COL25A1: variants seen among roughly 807,000 people sequenced by gnomAD.
The protein encoded by COL25A1 is collagen alpha-1(XXV) chain.
A neutral mutation model predicts 128.4 loss-of-function variants in COL25A1; 103 were observed. The observed-to-expected ratio is 0.80, with a 90% confidence interval of 0.68 to 0.94. The LOEUF is 0.94. Among genes scored for constraint, COL25A1 ranks in the 40% least tolerant of loss-of-function variants. The probability of loss-of-function intolerance (pLI) is 0.00; values close to 1 mark genes in which losing one functional copy is unlikely to be tolerated. For missense variants in COL25A1, 745 were observed against 840.0 expected, an observed-to-expected ratio of 0.89 and a Z score of 1.40; for synonymous variants, 279 against 277.2, an observed-to-expected ratio of 1.01 and a Z score of -0.06.
intron 3 of COL25A1, among the ~76,000 whole-genome samples, chr4:109,297,594 A>T (rs765593291): frequency 1.1e-4 from 16 of 152,106 alleles, no homozygotes; most frequent in Non-Finnish European, 2.4e-4. Flanking sequence ...TGAATAATCT[A>T]CAGATACATT....
intron 3 of COL25A1, among the ~76,000 whole-genome samples, chr4:109,104,431 T>C (rs1435954216): frequency 6.6e-6 from 1 of 151,794 alleles, no homozygotes; most frequent in African/African-American, 2.4e-5. Context: ...TTTTGCAATC[T>C]GTAATGAATT....
At position 108,881,064 on chromosome 4, in the gene COL25A1, C is replaced by T. The variant is rs981461063; in HGVS notation, c.1020+3114G>A. Among the ~76,000 whole-genome samples, 24 of 152,064 alleles carry T rather than the reference C, an allele frequency of 1.6e-4. 1 individual carries two copies. The highest frequency in any genetic ancestry group is 1.4e-3 in the Admixed American group (21 of 15,274). ...TTGAACATCGTGACACTATATGAAC[C>T]ATGAATGCACGAAATAGGAATTCCA... On this transcript the variant is annotated intron_variant, in intron 19 of 37. Transcript: ENST00000399132.
intron 31 of COL25A1, among the ~76,000 whole-genome samples, chr4:108,840,078 C>T (rs1294682683): frequency 6.6e-6 from 1 of 151,600 alleles, no homozygotes; most frequent in Non-Finnish European, 1.5e-5. Context: ...CTTGTCTCTA[C>T]TAAAAATACA....
intron 3 of COL25A1, among the ~76,000 whole-genome samples, chr4:109,098,404 C>T (rs1765582770): frequency 6.6e-6 from 1 of 152,210 alleles, no homozygotes; most frequent in Non-Finnish European, 1.5e-5. Flanking sequence ...ATGATACCAG[C>T]ACCTGCTTTA....
At chr4:108,974,030 A>C (rs1232232145) in intron 8 of COL25A1, among the ~76,000 whole-genome samples, 3 of 152,228 alleles carry the variant, frequency 2.0e-5, no homozygotes, top group Non-Finnish European at 4.4e-5. Context: ...AGAAATCCAT[A>C]TGGCCTCTAT....
intron 3 of COL25A1, among the ~76,000 whole-genome samples, chr4:109,097,853 G>A (rs1476231424): frequency 3.3e-5 from 5 of 151,562 alleles, no homozygotes; most frequent in African/African-American, 7.3e-5. Context: ...TAACAGAGAT[G>A]GGGTTTCACA....
chr4:109,064,978 A>G (rs1762280897), intron 3 of COL25A1, among the ~76,000 whole-genome samples: 1 of 152,198 alleles, frequency 6.6e-6, no homozygotes, highest in African/African-American at 2.4e-5. Flanking sequence ...GGTGTATCCA[A>G]TGCACCAGTA....
chr4:109,222,245 G>A (rs765925938), intron 3 of COL25A1, among the ~76,000 whole-genome samples: 89 of 151,588 alleles, frequency 5.9e-4, no homozygotes, highest in Non-Finnish European at 1.5e-4. Flanking sequence ...TGTATTTTTG[G>A]TAGAGCCGGG....
intron 3 of COL25A1, among the ~76,000 whole-genome samples, chr4:109,274,652 A>G (rs1390717932): frequency 6.6e-6 from 1 of 152,238 alleles, no homozygotes. Flanking sequence ...AGAAATATGC[A>G]CAGCTATCTT....
At chr4:109,231,952 T>A (rs1411035425) in intron 3 of COL25A1, among the ~76,000 whole-genome samples, 3 of 152,186 alleles carry the variant, frequency 2.0e-5, no homozygotes, top group Non-Finnish European at 4.4e-5. Context: ...AACTTAGTTA[T>A]ATACAATTAC....
intron 3 of COL25A1, among the ~76,000 whole-genome samples, chr4:109,051,616 T>TATAC (rs1553922282): frequency 8.9e-6 from 1 of 112,326 alleles, no homozygotes; most frequent in African/African-American, 2.9e-5. Flanking sequence ...CAAACACACA[T>TATAC]ACATACACAC....
chr4:109,146,844 T>C (rs1174162091), intron 3 of COL25A1, among the ~76,000 whole-genome samples: 2 of 152,210 alleles, frequency 1.3e-5, no homozygotes, highest in Admixed American at 6.5e-5. Flanking sequence ...CTTGGATAAC[T>C]ACTGGGCTTA....
intron 5 of COL25A1, among the ~76,000 whole-genome samples, chr4:109,047,220 C>T (rs1760507945): frequency 6.6e-6 from 1 of 152,068 alleles, no homozygotes; most frequent in Admixed American, 6.5e-5. Context: ...GCAAATATTT[C>T]AGATACAAGT....
At chr4:109,021,406 ATAATACTC>A (rs1757747563) in intron 5 of COL25A1, among the ~76,000 whole-genome samples, 6 of 152,148 alleles carry the variant, frequency 3.9e-5, no homozygotes, top group Admixed American at 3.3e-4. Flanking sequence ...CACTTCCCTA[ATAATACTC>A]TAATAATTTC....
At chr4:109,118,425 C>G (rs763326335) in intron 3 of COL25A1, among the ~76,000 whole-genome samples, 2 of 151,830 alleles carry the variant, frequency 1.3e-5, no homozygotes, top group Non-Finnish European at 2.9e-5. Flanking sequence ...TTTACTCTTT[C>G]TACAACATAT....
At position 108,927,414 on chromosome 4, in the gene COL25A1, T is replaced by A. The variant is rs913591288; in HGVS notation, c.709-6810A>T. On this transcript the variant is annotated intron_variant, in intron 11 of 37. Transcript: ENST00000399132. ...AAAAATGAATGAATGAATTTAAAAATTATTAAATTATGTTTAGCGGCTTTC... is the reference window on the plus strand; with the variant it reads ...AAAAATGAATGAATGAATTTAAAAAATATTAAATTATGTTTAGCGGCTTTC... Among the ~76,000 whole-genome samples the A allele has an allele frequency of 5.3e-5, 8 of 152,310 alleles. No individual in the cohort carries two copies. In the East Asian group the frequency reaches 1.3e-3, roughly 26 times the overall value.
chr4:109,247,228 C>T (rs1178701597), intron 3 of COL25A1, among the ~76,000 whole-genome samples: 1 of 152,050 alleles, frequency 6.6e-6, no homozygotes, highest in African/African-American at 2.4e-5. Context: ...GTTCTGTAAT[C>T]TGAGCTACTC....
In COL25A1 at chr4:108,970,182, G is replaced by C. The variant is rs993812778; in HGVS notation, c.492+4185C>G. Among the ~76,000 whole-genome samples the C allele has an allele frequency of 3.3e-5, 5 of 152,168 alleles. No homozygotes were observed. In the East Asian group the frequency reaches 9.6e-4, roughly 29 times the overall value. On this transcript the variant is annotated intron_variant, in intron 8 of 37. Coordinates refer to ENST00000399132, the MANE Select transcript of COL25A1 (RefSeq NM_198721.4). ...CTCCCAAAGTGCTGTGATTACAGTG[G>C]TGAGCCACTGCATCTGGCCTCTAAA...
intron 5 of COL25A1, among the ~76,000 whole-genome samples, chr4:109,012,651 C>A (rs1479740553): frequency 6.6e-6 from 1 of 152,168 alleles, no homozygotes. Context: ...CGCCAGGTCC[C>A]CCGGCACTGC....
Sources: allele counts gnomAD v4.1 joint callset (sites outside exome capture counted in the v4.1 genomes callset), GRCh38; gene constraint gnomAD v4.1.1; transcripts MANE v1.5; gene names NCBI Gene and HGNC (gene_info 2026-07-23, HGNC 2026-07-21).